CACNA1E: variants seen among roughly 807,000 people sequenced by gnomAD.
CACNA1E encodes the protein voltage-dependent R-type calcium channel subunit alpha-1E.
In CACNA1E, 40 loss-of-function variants were observed where a neutral mutation model predicts 259.2. That is an observed-to-expected ratio of 0.15 (90% CI 0.12 to 0.20). CACNA1E has a LOEUF of 0.20. CACNA1E is among the 10% of genes least tolerant of loss of function. The probability of loss-of-function intolerance (pLI) is 1.00; values close to 1 mark genes in which losing one functional copy is unlikely to be tolerated. For synonymous variants in CACNA1E, 1,104 were observed against 1,138.5 expected (o/e 0.97, Z 0.61); for missense variants, 1,874 against 3,040.1 (o/e 0.62, Z 9.02).
chr1:181,475,995 C>T (rs1407432107), intron 2 of CACNA1E, among the ~76,000 whole-genome samples: 1 of 151,906 alleles, frequency 6.6e-6, no homozygotes, highest in Non-Finnish European at 1.5e-5. Flanking sequence ...CCATGGGTGC[C>T]CTACAGGTGA....
At chr1:181,673,915 C>A (rs1448598294) in intron 7 of CACNA1E, among the ~76,000 whole-genome samples, 4 of 152,136 alleles carry the variant, frequency 2.6e-5, no homozygotes, top group Non-Finnish European at 5.9e-5. Context: ...AGCCTTGCTG[C>A]CCTTCACCCT....
intron 21 of CACNA1E, among the ~76,000 whole-genome samples, chr1:181,734,852 G>C (rs111314647): frequency 9.5e-3 from 459 of 48,536 alleles, no homozygotes; most frequent in African/African-American, 0.022. Flanking sequence ...CCATCCCTGC[G>C]CTGACCCCAC....
In CACNA1E at chr1:181,798,673, G is replaced by A; in HGVS notation, c.6781G>A (p.Gly2261Ser). The change falls in exon 48 of 48, where the codon GGC (glycine) becomes AGC (serine). Residue 2261 changes from glycine (G) to serine (S), a missense_variant. Physicochemically the swap from Gly to Ser is moderately conservative, Grantham distance 56. Around this residue, in one of 14 missense-constraint regions of CACNA1E, gnomAD observed 542 missense variants for 587.2 expected, o/e 0.92. Transcript: ENST00000367573. The surrounding 1 kb of genome is among the most constrained non-coding windows in gnomAD (Gnocchi z 4.2). ...CGAAGCAGCCGTGGCTACTAGCCTG[G>A]GCCGTTCCAACACCATCGGCTCAGC... ...TFEAAVATSLGRSNTIGSAPP... is the reference protein window; with the variant it reads ...TFEAAVATSLSRSNTIGSAPP... 1 of 1,610,226 alleles carries A rather than the reference G, an allele frequency of 6.2e-7. No individual in the cohort carries two copies. Among genetic ancestry groups the A allele is most frequent in the Non-Finnish European group, 8.5e-7 (1 of 1,177,622 alleles).
At chr1:181,790,635 T>C (rs1661221390) in intron 44 of CACNA1E, 79 bp downstream of exon 44, 34 of 936,802 alleles carry the variant, frequency 3.6e-5, no homozygotes, top group Middle Eastern at 2.1e-4. Context: ...TACATAGTCA[T>C]GGTCCGTCAG....
chr1:181,717,375 A>AAGAC, intron 11 of CACNA1E, 73 bp downstream of exon 11: 1 of 1,211,958 alleles, frequency 8.3e-7, no homozygotes, highest in Admixed American at 1.7e-5. Flanking sequence ...GTGTGAACGC[A>AAGAC]AGACAGCAAA....
upstream of CACNA1E, among the ~76,000 whole-genome samples, chr1:181,480,427 A>C (rs1663155884): frequency 6.6e-6 from 1 of 152,210 alleles, no homozygotes; most frequent in Non-Finnish European, 1.5e-5. Context: ...CAACCTATGC[A>C]TTTATGATTC....
chr1:181,597,366 A>C (rs1653289215), intron 6 of CACNA1E, among the ~76,000 whole-genome samples: 2 of 152,176 alleles, frequency 1.3e-5, no homozygotes, highest in South Asian at 2.1e-4. Flanking sequence ...CCTCTTCTTC[A>C]CCAGGGAGTG....
intron 1 of CACNA1E, among the ~76,000 whole-genome samples, chr1:181,356,965 A>G (rs560871501): frequency 1.1e-4 from 16 of 152,330 alleles, no homozygotes; most frequent in African/African-American, 2.9e-4. Flanking sequence ...TAGAGGGTAC[A>G]GAGAAGTTGT....
At chr1:181,388,242 T>G (rs931253454) in intron 1 of CACNA1E, among the ~76,000 whole-genome samples, 2 of 152,184 alleles carry the variant, frequency 1.3e-5, no homozygotes, top group East Asian at 3.8e-4. Flanking sequence ...AGTTAGTGAG[T>G]GCTCCTTATC....
chr1:181,691,636 C>T (rs181905678), intron 7 of CACNA1E, among the ~76,000 whole-genome samples: 1 of 151,898 alleles, frequency 6.6e-6, no homozygotes, highest in African/African-American at 2.4e-5. Context: ...TAATAAAAAC[C>T]CTCAACAAAC....
chr1:181,736,523 G>A lies in CACNA1E; in HGVS notation c.3422+89G>A, dbSNP rs943825154. 24 of 1,223,080 alleles carry A rather than the reference G, an allele frequency of 2.0e-5. No homozygotes were observed. In the African/African-American group the frequency reaches 3.6e-4, roughly 18 times the overall value. 75.8% of individuals were successfully genotyped at this position (1,223,080 alleles called of 1,614,324 possible). Reference sequence around the variant, plus strand: ...CAGGGTGAAGGGGAGAGGAAGGATGGGGGCCCAGCCATCTTCTTAAGCCTT... The same window carrying A: ...CAGGGTGAAGGGGAGAGGAAGGATGAGGGCCCAGCCATCTTCTTAAGCCTT... On this transcript the variant is annotated intron_variant, in intron 22 of 47. Transcript: ENST00000367573.
chr1:181,333,273 C>T (rs1651423848), intron 1 of CACNA1E, among the ~76,000 whole-genome samples: 1 of 152,200 alleles, frequency 6.6e-6, no homozygotes, highest in Non-Finnish European at 1.5e-5. Flanking sequence ...AGCCTTTACT[C>T]ACTTTATTTC....
At chr1:181,750,455 C>T in intron 25 of CACNA1E, 21 bp from the exon 26 acceptor site, 1 of 1,612,162 alleles carries the variant, frequency 6.2e-7, no homozygotes. Context: ...TTCTACTGCT[C>T]TCTGATTGGA....
chr1:181,716,924 T>G (rs973198813), intron 10 of CACNA1E, among the ~76,000 whole-genome samples, 169 bp from the exon 11 acceptor site: 1 of 152,264 alleles, frequency 6.6e-6, no homozygotes, highest in Non-Finnish European at 1.5e-5. Flanking sequence ...AAAAACAGGG[T>G]CACTGCCTAT....
chr1:181,706,432 G>T (rs185870969), intron 7 of CACNA1E, among the ~76,000 whole-genome samples: 110 of 152,190 alleles, frequency 7.2e-4, no homozygotes, highest in Admixed American at 2.6e-3. Context: ...TAAATCTAAG[G>T]TTTATGAAGC....
At position 181,763,297 on chromosome 1, in the gene CACNA1E, G is replaced by A. The variant is rs1010157266; in HGVS notation, c.4690-109G>A. The A allele has an allele frequency of 6.5e-6, 6 of 929,670 alleles. No homozygotes were observed. In the Admixed American group the frequency reaches 1.1e-4, roughly 17 times the overall value. The allele number at this position is 929,670 out of a possible 1,614,324, so 57.6% of individuals were successfully genotyped here. A position where few individuals can be genotyped will look rare whatever the true frequency, so the allele number is the denominator to read the frequency against. On this transcript the variant is annotated intron_variant, in intron 33 of 47. Coordinates refer to ENST00000367573, the MANE Select transcript of CACNA1E (RefSeq NM_001205293.3). Reference sequence around the variant, plus strand: ...TGGAATTGGGGTTAACAAAGACAGAGACTGTGTCCCATTTATCGGAATGAG... The same window carrying A: ...TGGAATTGGGGTTAACAAAGACAGAAACTGTGTCCCATTTATCGGAATGAG...
intron 3 of CACNA1E, among the ~76,000 whole-genome samples, chr1:181,560,061 A>T (rs1452155865): frequency 6.6e-6 from 1 of 151,840 alleles, no homozygotes; most frequent in Non-Finnish European, 1.5e-5. Flanking sequence ...ACCTTTAGTC[A>T]TATTTGAAGT....
chr1:181,484,604 T>G (rs745949170), intron 1 of CACNA1E, among the ~76,000 whole-genome samples: 1 of 152,208 alleles, frequency 6.6e-6, no homozygotes, highest in Non-Finnish European at 1.5e-5. Flanking sequence ...CCACTGAAAG[T>G]GGCATGAGTG....
At chr1:181,335,877 C>T (rs1651670170) in intron 1 of CACNA1E, among the ~76,000 whole-genome samples, 1 of 152,300 alleles carries the variant, frequency 6.6e-6, no homozygotes, top group Non-Finnish European at 1.5e-5. Flanking sequence ...ATAGTCCAGT[C>T]CTTGGCCCCC....
Sources: allele counts gnomAD v4.1 joint callset (sites outside exome capture counted in the v4.1 genomes callset), GRCh38; gene constraint gnomAD v4.1.1; regional missense constraint gnomAD v4.1.1; non-coding constraint Gnocchi (gnomAD v3.1); transcripts MANE v1.5; gene names NCBI Gene and HGNC (gene_info 2026-07-23, HGNC 2026-07-21).